YEATS2: variants seen among roughly 807,000 people sequenced by gnomAD.
The protein encoded by YEATS2 is YEATS domain containing 2, also known as YEATS domain-containing protein 2.
YEATS2 carries 77 observed loss-of-function variants against 163.2 expected under a neutral mutation model. The observed-to-expected ratio is 0.47, with a 90% CI of 0.39 to 0.57. YEATS2 has a LOEUF of 0.57. Among genes scored for constraint, YEATS2 ranks in the 20% least tolerant of loss-of-function variants. The pLI is 0.00. For synonymous variants in YEATS2, 631 were observed against 645.1 expected (o/e 0.98, Z 0.33); for missense variants, 1,549 against 1,729.8 (o/e 0.90, Z 1.85).
chr3:183,779,013 C>T (rs1723287917), intron 19 of YEATS2, among the ~76,000 whole-genome samples: 1 of 152,056 alleles, frequency 6.6e-6, no homozygotes, highest in Non-Finnish European at 1.5e-5. Context: ...TGGGTTCAAG[C>T]AGTTCGCCTG....
chr3:183,732,180 G>A lies in YEATS2; in HGVS notation c.812+3329G>A, dbSNP rs117266844. Among the ~76,000 whole-genome samples, 1,709 of 150,124 alleles carry A rather than the reference G, an allele frequency of 0.011. 66 individuals are homozygous for A. In the East Asian group the frequency reaches 0.15, roughly 13 times the overall value. On this transcript the variant is annotated intron_variant, in intron 7 of 30. Transcript: ENST00000305135. The stretch of plus-strand genomic sequence containing the variant: ...ATATCCCCAGGGTCGGCTGGGCACC[G>A]TGGCTCAAGCCTGTAATCCCAGCAC...
At chr3:183,709,464 A>G (rs111825306) in intron 1 of YEATS2, among the ~76,000 whole-genome samples, 2,246 of 149,666 alleles carry the variant, frequency 0.015, 126 homozygotes, top group Admixed American at 0.11. Flanking sequence ...CCTCCCGAGT[A>G]GCTGGGACTA....
chr3:183,709,170 A>G (rs1560217587), intron 1 of YEATS2, among the ~76,000 whole-genome samples: 1 of 151,990 alleles, frequency 6.6e-6, no homozygotes, highest in African/African-American at 2.4e-5. Flanking sequence ...CAAAAAAAAA[A>G]AGTTTGGTTT....
rs760352551 is a variant in YEATS2, at chr3:183,777,725, C to T, written c.2736+25C>T. 30 of 1,598,928 alleles carry T rather than the reference C, an allele frequency of 1.9e-5. No individual in the cohort carries two copies. In the South Asian group the frequency reaches 3.2e-4, roughly 17 times the overall value. Reference sequence around the variant, plus strand: ...GGTAAATACGCCCATGCACACACCCCAAATATGGGGTGATTATGGCATTTA... The same window carrying T: ...GGTAAATACGCCCATGCACACACCCTAAATATGGGGTGATTATGGCATTTA... On this transcript the variant is annotated intron_variant, in intron 19 of 30. Coordinates refer to ENST00000305135, the MANE Select transcript of YEATS2 (RefSeq NM_018023.5).
At chr3:183,756,476 C>T (rs759660320) in intron 11 of YEATS2, 52 bp from the exon 12 acceptor site, 11 of 1,461,458 alleles carry the variant, frequency 7.5e-6, no homozygotes, top group South Asian at 6.0e-5. Context: ...CATCTTCTTA[C>T]GTGAGTTGAA....
At chr3:183,785,488 CAAA>C (rs146941322) in intron 19 of YEATS2, among the ~76,000 whole-genome samples, 1 of 52,254 alleles carries the variant, frequency 1.9e-5, no homozygotes, top group Middle Eastern at 9.6e-3. Context: ...GACTCTGTCT[CAAA>C]AAAAAAAAAA....
At chr3:183,804,215 G>A (rs1725963577) in intron 27 of YEATS2, 27 bp downstream of exon 27, 3 of 1,612,918 alleles carry the variant, frequency 1.9e-6, no homozygotes, top group Non-Finnish European at 2.5e-6. Context: ...ACTGCCCAGA[G>A]CGCCTGGCAG....
intron 17 of YEATS2, 120 bp downstream of exon 17, chr3:183,773,914 T>G (rs1722722859): frequency 8.2e-7 from 1 of 1,226,334 alleles, no homozygotes; most frequent in South Asian, 1.9e-5. Flanking sequence ...TGTTGGGTGG[T>G]GTAATGGTAG....
intron 8 of YEATS2, among the ~76,000 whole-genome samples, chr3:183,743,546 G>A (rs1719197065): frequency 2.0e-5 from 3 of 151,588 alleles, no homozygotes. Context: ...TTTTTCCACT[G>A]TGTTGCCCAG....
intron 23 of YEATS2, 101 bp downstream of exon 23, chr3:183,799,090 C>G (rs1340205886): frequency 3.4e-6 from 3 of 869,908 alleles, no homozygotes; most frequent in Non-Finnish European, 5.7e-6. Context: ...CGGGACATTA[C>G]CATAATCTGA....
At chr3:183,777,460 T>A (rs1202841356) in intron 18 of YEATS2, 82 bp from the exon 19 acceptor site, 3 of 1,446,118 alleles carry the variant, frequency 2.1e-6, no homozygotes, top group Non-Finnish European at 2.8e-6. Context: ...CATGGGACGT[T>A]ACATGTGATT....
intron 8 of YEATS2, 150 bp downstream of exon 8, chr3:183,736,979 T>A: frequency 1.8e-6 from 1 of 560,964 alleles, no homozygotes; most frequent in Non-Finnish European, 3.1e-6. Flanking sequence ...ATTAATAGCC[T>A]ACTGTTGACT....
chr3:183,744,832 G>A (rs751826233), intron 8 of YEATS2, among the ~76,000 whole-genome samples: 4 of 151,718 alleles, frequency 2.6e-5, no homozygotes, highest in South Asian at 2.1e-4. Context: ...TCCGTCCTCC[G>A]CCCTTCCCAC....
intron 9 of YEATS2, among the ~76,000 whole-genome samples, chr3:183,751,718 T>G (rs1230101078): frequency 1.3e-5 from 2 of 152,216 alleles, no homozygotes; most frequent in Admixed American, 1.3e-4. Context: ...ATGGTCTCTC[T>G]GAGAAGGTGC....
rs185178366 is a variant in YEATS2 at position 183,753,375 on chromosome 3, G to A, written c.1151-751G>A. 2.0e-5 allele frequency among the ~76,000 whole-genome samples: 3 copies of A among 152,268 alleles called. No individual in the cohort carries two copies. The East Asian group carries it at 5.8e-4, about 29-fold the overall frequency. On this transcript the variant is annotated intron_variant, in intron 10 of 30. Transcript: ENST00000305135. ...CTAAGCCTATATTTTAATGTGGTTA[G>A]TATTATAGTTCTTTTATAAAATCTC...
At position 183,705,727 on chromosome 3, in the gene YEATS2, T is replaced by C. The variant is rs369883053; in HGVS notation, c.-20+7734T>C. On this transcript the variant is annotated intron_variant, in intron 1 of 30. Coordinates refer to ENST00000305135, the MANE Select transcript of YEATS2 (RefSeq NM_018023.5). The stretch of plus-strand genomic sequence containing the variant: ...ATGTTCCCTGTGGTCATTTATATTT[T>C]GGCAGATATTTTAGTTAATCCTTCA... 3.9e-5 allele frequency among the ~76,000 whole-genome samples: 6 copies of C among 152,330 alleles called. No homozygotes were observed. The East Asian group carries it at 9.6e-4, about 24-fold the overall frequency.
At chr3:183,715,528 A>G (rs1039667677) in intron 2 of YEATS2, among the ~76,000 whole-genome samples, 3 of 152,226 alleles carry the variant, frequency 2.0e-5, no homozygotes, top group African/African-American at 7.2e-5. Flanking sequence ...AGGTGTAATC[A>G]TAAAGTCTAT....
chr3:183,744,825 G>A (rs552588251), intron 8 of YEATS2, among the ~76,000 whole-genome samples: 20 of 151,472 alleles, frequency 1.3e-4, no homozygotes, highest in Non-Finnish European at 2.1e-4. Flanking sequence ...TTTACATTCC[G>A]TCCTCCGCCC....
At chr3:183,784,849 G>A (rs1401725215) in intron 19 of YEATS2, among the ~76,000 whole-genome samples, 3 of 151,086 alleles carry the variant, frequency 2.0e-5, no homozygotes, top group East Asian at 2.0e-4. Context: ...TGAGACGGGC[G>A]GATCACCTGA....
Sources: allele counts gnomAD v4.1 joint callset (sites outside exome capture counted in the v4.1 genomes callset), GRCh38; gene constraint gnomAD v4.1.1; transcripts MANE v1.5; gene names NCBI Gene and HGNC (gene_info 2026-07-23, HGNC 2026-07-21).